The following CELF2 variants were observed in gnomAD, a reference collection of about 807,000 sequenced individuals.
CELF2 encodes the protein CUG triplet repeat RNA-binding protein 2.
A neutral mutation model predicts 62.6 loss-of-function variants in CELF2; 8 were observed. That is an observed-to-expected ratio of 0.13 (90% CI 0.07 to 0.23). CELF2 has a LOEUF of 0.23. Among genes scored for constraint, CELF2 ranks in the 10% least tolerant of loss-of-function variants. CELF2 has a pLI of 1.00. For missense variants in CELF2, 333 were observed against 671.0 expected (o/e 0.50, Z 5.56); for synonymous variants, 258 against 250.0 (o/e 1.03, Z -0.30).
At chr10:10,627,274 T>C in the CELF2 span, among the ~76,000 whole-genome samples, 1 of 152,150 alleles carries the variant, frequency 6.6e-6, no homozygotes, top group Non-Finnish European at 1.5e-5. Flanking sequence ...AGGGGTAAAG[T>C]GTAGAATTTT....
upstream of CELF2, among the ~76,000 whole-genome samples, chr10:10,797,861 C>A (rs2054249830): frequency 6.6e-6 from 1 of 152,164 alleles, no homozygotes; most frequent in Non-Finnish European, 1.5e-5. Context: ...GATAAGGAGA[C>A]AAACTATGAA....
At chr10:11,233,714 C>T (rs1447170825) in intron 3 of CELF2, among the ~76,000 whole-genome samples, 1 of 152,218 alleles carries the variant, frequency 6.6e-6, no homozygotes, top group Admixed American at 6.5e-5. Context: ...CTTTCTAACC[C>T]CCAACCTCCA....
intron 1 of CELF2, among the ~76,000 whole-genome samples, chr10:11,149,547 A>G (rs1296641070): frequency 6.6e-6 from 1 of 152,216 alleles, no homozygotes; most frequent in Non-Finnish European, 1.5e-5. Flanking sequence ...TGGGATTTCC[A>G]GAAGCAGTGT....
rs372175244 is a variant in CELF2, at chr10:11,301,344, G to C, written c.976+12792G>C. Reference sequence around the variant, plus strand: ...AAGAAGCCCACTGGAGCCCCTATGCGGGCCCTGCTCCCGCTCCCCACCCCG... The same window carrying C: ...AAGAAGCCCACTGGAGCCCCTATGCCGGCCCTGCTCCCGCTCCCCACCCCG... On this transcript the variant is annotated intron_variant, in intron 9 of 12. Transcript: ENST00000633077. Among the ~76,000 whole-genome samples, 20 of 149,726 alleles carry C rather than the reference G, an allele frequency of 1.3e-4. 1 individual carries two copies. In the East Asian group the frequency reaches 3.6e-3, roughly 27 times the overall value.
At chr10:11,168,669 C>T (rs781095743) in intron 2 of CELF2, among the ~76,000 whole-genome samples, 4 of 152,110 alleles carry the variant, frequency 2.6e-5, no homozygotes, top group Admixed American at 1.3e-4. Context: ...TTGCCTTACC[C>T]GTGTTGATGG....
intron 1 of CELF2, among the ~76,000 whole-genome samples, chr10:10,902,052 T>C (rs915936378): frequency 1.3e-5 from 2 of 152,198 alleles, no homozygotes; most frequent in Non-Finnish European, 2.9e-5. Flanking sequence ...TATTTTTGAA[T>C]GGCTAAAATT....
chr10:10,584,445 G>T, the CELF2 span, among the ~76,000 whole-genome samples: 5 of 152,182 alleles, frequency 3.3e-5, no homozygotes, highest in African/African-American at 1.2e-4. Flanking sequence ...TTGAAGTGTG[G>T]CCGCTGGCAT....
intron 1 of CELF2, among the ~76,000 whole-genome samples, chr10:10,821,813 A>C (rs1414374135): frequency 6.6e-6 from 1 of 152,006 alleles, no homozygotes; most frequent in Non-Finnish European, 1.5e-5. Flanking sequence ...CTAATTTTTT[A>C]AATTTTTTGT....
chr10:11,103,543 T>C (rs950442092), intron 1 of CELF2, among the ~76,000 whole-genome samples: 4 of 149,764 alleles, frequency 2.7e-5, no homozygotes, highest in African/African-American at 1.0e-4. Flanking sequence ...TTGACTTCTC[T>C]GAACCTCAAT....
chr10:11,215,004 C>T (rs1299321252), intron 2 of CELF2, among the ~76,000 whole-genome samples: 2 of 152,116 alleles, frequency 1.3e-5, no homozygotes, highest in Non-Finnish European at 1.5e-5. Flanking sequence ...TCAATCTGTC[C>T]GTTTCTGAAA....
At chr10:11,105,861 C>T (rs1396879653) in intron 1 of CELF2, among the ~76,000 whole-genome samples, 1 of 152,180 alleles carries the variant, frequency 6.6e-6, no homozygotes, top group Non-Finnish European at 1.5e-5. Context: ...GAATACGATA[C>T]CCCAGTCACA....
chr10:11,042,126 G>C (rs977170609), intron 1 of CELF2, among the ~76,000 whole-genome samples: 2 of 152,174 alleles, frequency 1.3e-5, no homozygotes, highest in African/African-American at 2.4e-5. Context: ...GTGTTGATTT[G>C]TCAGAAGATT....
At chr10:10,571,595 G>A in the CELF2 span, among the ~76,000 whole-genome samples, 5 of 152,088 alleles carry the variant, frequency 3.3e-5, no homozygotes, top group African/African-American at 1.2e-4. Context: ...GAGTTATAAA[G>A]AAAGTGAAGG....
intron 1 of CELF2, among the ~76,000 whole-genome samples, chr10:11,007,965 G>A (rs1217814755): frequency 3.3e-5 from 5 of 152,028 alleles, no homozygotes; most frequent in South Asian, 2.1e-4. Flanking sequence ...TTGCTTTTCC[G>A]GTGGTTGGAT....
chr10:11,119,204 A>T (rs1422144090), intron 1 of CELF2, among the ~76,000 whole-genome samples: 1 of 152,112 alleles, frequency 6.6e-6, no homozygotes, highest in Non-Finnish European at 1.5e-5. Flanking sequence ...TTCCCCTTAA[A>T]CTTTAGACTT....
intron 1 of CELF2, among the ~76,000 whole-genome samples, chr10:10,843,930 C>T (rs2058846997): frequency 6.6e-6 from 1 of 151,778 alleles, no homozygotes; most frequent in African/African-American, 2.4e-5. Flanking sequence ...TATGAGAAAA[C>T]TTGTCTGAGC....
upstream of CELF2, chr10:10,796,863 A>T: frequency 2.0e-6 from 2 of 984,606 alleles, no homozygotes; most frequent in Non-Finnish European, 2.4e-6. Flanking sequence ...CAGCCCAGGA[A>T]GAAGCTTGAA....
rs947316776 is a variant in CELF2, at chr10:10,997,034, T to C, written c.89+77035T>C. Among the ~76,000 whole-genome samples, 1 of 152,242 alleles carries C rather than the reference T, an allele frequency of 6.6e-6. No individual in the cohort carries two copies. The highest frequency in any genetic ancestry group is 1.5e-5 in the Non-Finnish European group (1 of 68,044). On this transcript the variant is annotated intron_variant, in intron 2 of 13. Coordinates refer to the CELF2 transcript ENST00000636488. The surrounding 1 kb of genome is among the most constrained non-coding windows in gnomAD (Gnocchi z 5.3). The stretch of plus-strand genomic sequence containing the variant: ...TTTCTTCATTCCACCCACTCAGTTA[T>C]TCACATTGTGATTCTACTGCTAAAA...
At chr10:10,580,919 G>A in the CELF2 span, among the ~76,000 whole-genome samples, 2 of 152,212 alleles carry the variant, frequency 1.3e-5, no homozygotes, top group Non-Finnish European at 2.9e-5. Flanking sequence ...TATAGTGTGA[G>A]TGGTAAGGAA....
Sources: allele counts gnomAD v4.1 joint callset (sites outside exome capture counted in the v4.1 genomes callset), GRCh38; gene constraint gnomAD v4.1.1; non-coding constraint Gnocchi (gnomAD v3.1); transcripts MANE v1.5; gene names NCBI Gene and HGNC (gene_info 2026-07-23, HGNC 2026-07-21).